Variants in CACNA2D4 observed in about 807,000 individuals in gnomAD.
CACNA2D4 encodes voltage-dependent calcium channel subunit alpha-2/delta-4.
A neutral mutation model predicts 163.8 loss-of-function variants in CACNA2D4; 157 were observed. That is an observed-to-expected ratio of 0.96 (90% CI 0.84 to 1.09). The LOEUF (loss-of-function observed/expected upper bound fraction) is 1.09, where lower values mean the gene tolerates loss of function less well. CACNA2D4 is among the 50% of genes least tolerant of loss of function. The probability of loss-of-function intolerance (pLI) is 0.00; values close to 1 mark genes in which losing one functional copy is unlikely to be tolerated. For synonymous variants in CACNA2D4, 598 were observed against 586.9 expected (o/e 1.02, Z -0.27); for missense variants, 1,410 against 1,479.9 (o/e 0.95, Z 0.78).
At position 1,874,842 on chromosome 12, in the gene CACNA2D4, A is replaced by G. The variant is rs1865851242; in HGVS notation, c.1807-167T>C. On this transcript the variant is annotated intron_variant, in intron 17 of 37. Coordinates refer to ENST00000382722, the MANE Select transcript of CACNA2D4 (RefSeq NM_172364.5). This position sits in a 1 kb window ranked among gnomAD's most constrained non-coding sequence, Gnocchi z 4.4. ...GAAGATGGACCTGACTCTAAGCTCC[A>G]TCTAGCTCATAATTCCAGGCATTCA... 6.6e-6 allele frequency among the ~76,000 whole-genome samples: 1 copy of G among 152,160 alleles called. No homozygotes were observed. The highest frequency in any genetic ancestry group is 1.5e-5 in the Non-Finnish European group (1 of 68,038).
At chr12:1,909,541 TTTCCAGGCCC>T (rs1481885380) in intron 4 of CACNA2D4, among the ~76,000 whole-genome samples, 3 of 152,234 alleles carry the variant, frequency 2.0e-5, no homozygotes, top group African/African-American at 7.2e-5. Flanking sequence ...CAAAGGCCCT[TTTCCAGGCCC>T]TGCCTGCCTA....
rs914318808 is a variant in CACNA2D4, at chr12:1,792,889, AGCAATTGGATGTCTCAG to A, written c.*749_*765del. 1.3e-5 allele frequency: 2 copies of A among 152,224 alleles called. No homozygotes were observed. Among genetic ancestry groups the A allele is most frequent in the African/African-American group, 2.4e-5 (1 of 41,450 alleles). The allele number at this position is 152,224 out of a possible 1,614,324, so 9.4% of individuals were successfully genotyped here. ...CCTGAATGTACATCAATTTCCATGC[AGCAATTGGATGTCTCAG>A]CCTATTGGCTTTTCATAGATGCAAA... On this transcript the variant is annotated 3_prime_UTR_variant, in exon 38 of 38. Coordinates refer to ENST00000382722, the MANE Select transcript of CACNA2D4 (RefSeq NM_172364.5).
In CACNA2D4 at chr12:1,828,046, G is replaced by A. The variant is rs995750545; in HGVS notation, c.2551+12693C>T. Reference sequence around the variant, plus strand: ...GGGCTGGAACGGGGCTCCCGCGCCTGCCTGTGCTCAGTGCTCCTCCCTCCC... The same window carrying A: ...GGGCTGGAACGGGGCTCCCGCGCCTACCTGTGCTCAGTGCTCCTCCCTCCC... On this transcript the variant is annotated intron_variant, in intron 26 of 37. Coordinates refer to ENST00000382722, the MANE Select transcript of CACNA2D4 (RefSeq NM_172364.5). This position sits in a 1 kb window ranked among gnomAD's most constrained non-coding sequence, Gnocchi z 4.2. The A allele has an allele frequency of 5.2e-6, 6 of 1,151,208 alleles. No homozygotes were observed. In the East Asian group the frequency reaches 8.8e-5, roughly 17 times the overall value. The allele number at this position is 1,151,208 out of a possible 1,614,324, so 71.3% of individuals were successfully genotyped here. A position where few individuals can be genotyped will look rare whatever the true frequency, so the allele number is the denominator to read the frequency against.
Position 1,797,502 on chromosome 12 carries a change from G to C in CACNA2D4, c.3029C>G (p.Pro1010Arg). 1 of 1,580,448 alleles carries C rather than the reference G, an allele frequency of 6.3e-7. No individual in the cohort carries two copies. The highest frequency in any genetic ancestry group is 8.6e-7 in the Non-Finnish European group (1 of 1,164,934). ...HKHKKQDPLQ[P>R]CDTEYPVFVY... ...GAACACGGGGTACTCCGTGTCGCAGGGCTGCAGCGGGTCCTGCTTCTTGTG... is the reference window on the plus strand; with the variant it reads ...GAACACGGGGTACTCCGTGTCGCAGCGCTGCAGCGGGTCCTGCTTCTTGTG... The change falls in exon 35 of 38, where the codon CCC becomes CGC. Residue 1010 changes from proline (P) to arginine (R), a missense_variant. Pro to Arg is a moderately radical substitution (Grantham distance 103). Transcript: ENST00000382722.
At chr12:1,898,055 G>A (rs187249626) in intron 6 of CACNA2D4, among the ~76,000 whole-genome samples, 148 of 152,030 alleles carry the variant, frequency 9.7e-4, no homozygotes, top group Middle Eastern at 3.4e-3. Context: ...GAATAAAAAG[G>A]TAAATATAAA....
In CACNA2D4 at chr12:1,795,797, G is replaced by C. The variant is rs750964988; in HGVS notation, c.3114-17C>G. 6.5e-7 allele frequency: 1 copy of C among 1,537,808 alleles called. No homozygotes were observed. Among genetic ancestry groups the C allele is most frequent in the Admixed American group, 1.7e-5 (1 of 59,936 alleles). On this transcript the variant is annotated splice_polypyrimidine_tract_variant and intron_variant, in intron 35 of 37. Transcript: ENST00000382722. Reference sequence around the variant, plus strand: ...ACAAATACCCTGCAGCAAAGAAAGGGAGTCGAGGATGGCTCCGTGGCGACC... The same window carrying C: ...ACAAATACCCTGCAGCAAAGAAAGGCAGTCGAGGATGGCTCCGTGGCGACC...
intron 13 of CACNA2D4, among the ~76,000 whole-genome samples, chr12:1,881,691 A>G (rs1457797946): frequency 5.3e-5 from 8 of 152,220 alleles, no homozygotes; most frequent in South Asian, 2.1e-4. Flanking sequence ...TCAGGGCCCT[A>G]TGAACACTTG....
chr12:1,903,242 G>T (rs996188166), intron 6 of CACNA2D4, among the ~76,000 whole-genome samples: 1 of 151,966 alleles, frequency 6.6e-6, no homozygotes, highest in Non-Finnish European at 1.5e-5. Flanking sequence ...TTAAATCTAA[G>T]ACCTCAAACT....
At chr12:1,898,584 A>G (rs1866460817) in intron 6 of CACNA2D4, among the ~76,000 whole-genome samples, 1 of 152,132 alleles carries the variant, frequency 6.6e-6, no homozygotes, top group Non-Finnish European at 1.5e-5. Flanking sequence ...AAACTAAACA[A>G]AAAGAAAACT....
intron 6 of CACNA2D4, among the ~76,000 whole-genome samples, chr12:1,893,210 C>T (rs1866327249): frequency 6.6e-6 from 1 of 152,198 alleles, no homozygotes; most frequent in African/African-American, 2.4e-5. Flanking sequence ...GCACATGAAA[C>T]ATTCTCCAGG....
chr12:1,806,026 TG>T lies in CACNA2D4; in HGVS notation c.2721+4251del, dbSNP rs1398665724. 1.3e-5 allele frequency among the ~76,000 whole-genome samples: 2 copies of T among 152,076 alleles called. No homozygotes were observed. On this transcript the variant is annotated intron_variant, in intron 29 of 37. Transcript: ENST00000382722. The surrounding 1 kb of genome is among the most constrained non-coding windows in gnomAD (Gnocchi z 4.1). ...GCCTGCCTGGTCCGGCTCACTGGGC[TG>T]GGGTGTGGAGGGAGCAGGGTGCTGT...
Position 1,797,512 on chromosome 12 carries a change from G to C in CACNA2D4, c.3019C>G (p.Pro1007Ala). The change falls in exon 35 of 38, where the codon CCG becomes GCG. Residue 1007 changes from proline (P) to alanine (A), a missense_variant. Pro to Ala is a conservative substitution (Grantham distance 27). Transcript: ENST00000382722. ...HHSHKHKKQD[P>A]LQPCDTEYPV... is the part of the protein sequence containing the mutation. Reference sequence around the variant, plus strand: ...TACTCCGTGTCGCAGGGCTGCAGCGGGTCCTGCTTCTTGTGTTTGTGGGCT... The same window carrying C: ...TACTCCGTGTCGCAGGGCTGCAGCGCGTCCTGCTTCTTGTGTTTGTGGGCT... 1 of 1,576,358 alleles carries C rather than the reference G, an allele frequency of 6.3e-7. No individual in the cohort carries two copies.
At chr12:1,902,938 G>T (rs1052500728) in intron 6 of CACNA2D4, among the ~76,000 whole-genome samples, 1 of 152,016 alleles carries the variant, frequency 6.6e-6, no homozygotes, top group Non-Finnish European at 1.5e-5. Context: ...CAAAACTGGA[G>T]GAGTAACATT....
At chr12:1,867,766 A>C (rs751310682) in intron 18 of CACNA2D4, among the ~76,000 whole-genome samples, 27 of 152,186 alleles carry the variant, frequency 1.8e-4, no homozygotes, top group African/African-American at 3.6e-4. Flanking sequence ...CCAAAAAACA[A>C]CACCACCACC....
intron 26 of CACNA2D4, chr12:1,831,062 C>A: frequency 6.2e-7 from 1 of 1,614,078 alleles, no homozygotes; most frequent in African/African-American, 1.3e-5. Flanking sequence ...TGCCCCCAGA[C>A]GTGCCCGCAG....
Position 1,834,592 on chromosome 12 carries a change from C to T in CACNA2D4, c.2551+6147G>A, listed in dbSNP as rs761303047. 90 of 1,600,304 alleles carry T rather than the reference C, an allele frequency of 5.6e-5. No homozygotes were observed. The highest frequency in any genetic ancestry group is 1.7e-4 in the Admixed American group (10 of 60,002). ...TCGTCTGCATCATGATGGTGGTGGC[C>T]GCTGCCTATGGCTGCATCTACGCCT... On this transcript the variant is annotated intron_variant, in intron 26 of 37. Coordinates refer to ENST00000382722, the MANE Select transcript of CACNA2D4 (RefSeq NM_172364.5). This position sits in a 1 kb window ranked among gnomAD's most constrained non-coding sequence, Gnocchi z 7.6.
rs574367146 is a variant in CACNA2D4, at chr12:1,834,915, CT to C, written c.2551+5823del. The C allele has an allele frequency of 1.2e-5, 13 of 1,043,934 alleles. No individual in the cohort carries two copies. The East Asian group carries it at 2.9e-4, about 24-fold the overall frequency. The allele number at this position is 1,043,934 out of a possible 1,614,324, so 64.7% of individuals were successfully genotyped here. A position where few individuals can be genotyped will look rare whatever the true frequency, so the allele number is the denominator to read the frequency against. ...TCCCTGAAAGCCACCGTGCTGGGGGCTCCTGCTGATGCTCCTGTCTGGGCCA... is the reference window on the plus strand; with the variant it reads ...TCCCTGAAAGCCACCGTGCTGGGGGCCCTGCTGATGCTCCTGTCTGGGCCA... On this transcript the variant is annotated intron_variant, in intron 26 of 37. Transcript: ENST00000382722. This position sits in a 1 kb window ranked among gnomAD's most constrained non-coding sequence, Gnocchi z 7.6.
chr12:1,902,656 C>A (rs1332983732), intron 6 of CACNA2D4, among the ~76,000 whole-genome samples: 1 of 151,672 alleles, frequency 6.6e-6, no homozygotes, highest in Non-Finnish European at 1.5e-5. Context: ...TTAATTTAAC[C>A]AAAAAAGTGA....
At chr12:1,852,672 A>T (rs1399667884) in intron 23 of CACNA2D4, among the ~76,000 whole-genome samples, 2 of 152,106 alleles carry the variant, frequency 1.3e-5, no homozygotes, top group African/African-American at 2.4e-5. Context: ...CCTTCTCAAT[A>T]TTTCTCCACA....
Sources: allele counts gnomAD v4.1 joint callset (sites outside exome capture counted in the v4.1 genomes callset), GRCh38; gene constraint gnomAD v4.1.1; non-coding constraint Gnocchi (gnomAD v3.1); transcripts MANE v1.5; gene names NCBI Gene and HGNC (gene_info 2026-07-23, HGNC 2026-07-21).